MMP16: variants seen among roughly 807,000 people sequenced by gnomAD.
MMP16 encodes the protein matrix metallopeptidase 16.
MMP16 carries 12 observed loss-of-function variants against 67.8 expected under a neutral mutation model. That is an observed-to-expected ratio of 0.18 (90% CI 0.11 to 0.29). MMP16 has a LOEUF of 0.29. MMP16 is among the 10% of genes least tolerant of loss of function. MMP16 has a pLI of 1.00. For synonymous variants in MMP16, 249 were observed against 255.9 expected (o/e 0.97, Z 0.26); for missense variants, 475 against 765.7 (o/e 0.62, Z 4.48).
intron 1 of MMP16, among the ~76,000 whole-genome samples, chr8:88,296,545 C>A (rs1162851729): frequency 6.6e-6 from 1 of 152,030 alleles, no homozygotes; most frequent in Non-Finnish European, 1.5e-5. Context: ...TGAAATAAAG[C>A]AAATTCAGGC....
chr8:88,167,802 G>A lies in MMP16; in HGVS notation c.576C>T (p.Phe192=). 1 of 1,613,974 alleles carries A rather than the reference G, an allele frequency of 6.2e-7. No individual in the cohort carries two copies. Among genetic ancestry groups the A allele is most frequent in the Non-Finnish European group, 8.5e-7 (1 of 1,179,954 alleles). The change falls in exon 4 of 10, where the codon TTC becomes TTT. Residue 192 remains phenylalanine (F), a synonymous_variant. Transcript: ENST00000286614. ...CATCAAAGGGAGAGCTGTCCCCATG[G>A]AAACCAGATGCAAAAATAATGGTTA... The part of the protein sequence containing the change: ...VDITIIFASG[F]HGDSSPFDGE...
At chr8:88,169,807 T>G (rs2129708058) in intron 3 of MMP16, among the ~76,000 whole-genome samples, 1 of 152,120 alleles carries the variant, frequency 6.6e-6, no homozygotes, top group Middle Eastern at 3.4e-3. Flanking sequence ...ATCAGAAAGT[T>G]AGAAGGAGAC....
In MMP16 at chr8:88,072,487, G is replaced by C. The variant is rs76631222; in HGVS notation, c.1222+2118C>G. ...CTGGAGGAAAGAGTTGCCACAGCAG[G>C]GTCCTCAAAGTGACAAAATTTATTA... is the stretch of plus-strand genomic sequence containing the variant. On this transcript the variant is annotated intron_variant, in intron 7 of 9. Coordinates refer to ENST00000286614, the MANE Select transcript of MMP16 (RefSeq NM_005941.5). Among the ~76,000 whole-genome samples, 39 of 152,164 alleles carry C rather than the reference G, an allele frequency of 2.6e-4. No homozygotes were observed. The East Asian group carries it at 7.4e-3, about 29-fold the overall frequency.
chr8:88,098,745 C>T (rs181761525), intron 6 of MMP16, among the ~76,000 whole-genome samples: 1 of 151,938 alleles, frequency 6.6e-6, no homozygotes, highest in Admixed American at 6.6e-5. Context: ...TCATCTGACA[C>T]CTATCAAAGA....
At chr8:88,044,049 G>A (rs541671543) in intron 9 of MMP16, among the ~76,000 whole-genome samples, 1 of 152,322 alleles carries the variant, frequency 6.6e-6, no homozygotes, top group South Asian at 2.1e-4. Context: ...CAAAAGTTAA[G>A]AAGTTTCTAT....
intron 4 of MMP16, among the ~76,000 whole-genome samples, chr8:88,159,010 G>A (rs1351831654): frequency 1.3e-5 from 2 of 152,054 alleles, no homozygotes; most frequent in African/African-American, 4.8e-5. Context: ...GCTCTGTTCT[G>A]TTCCATTTGT....
chr8:88,070,471 C>T (rs1024120333), intron 7 of MMP16, among the ~76,000 whole-genome samples: 4 of 152,230 alleles, frequency 2.6e-5, no homozygotes, highest in African/African-American at 7.2e-5. Context: ...TTTGTTCCCA[C>T]TGATTGGTTC....
intron 1 of MMP16, among the ~76,000 whole-genome samples, chr8:88,206,138 T>TA (rs199681070): frequency 0.02 from 3,091 of 151,822 alleles, 42 homozygotes; most frequent in Non-Finnish European, 0.032. Flanking sequence ...TAAATTGTGG[T>TA]AAAAAAAATA....
chr8:88,256,993 G>A (rs2129938474), intron 1 of MMP16, among the ~76,000 whole-genome samples: 1 of 152,186 alleles, frequency 6.6e-6, no homozygotes, highest in Non-Finnish European at 1.5e-5. Flanking sequence ...CATGACCCCT[G>A]CTCTCCATAC....
intron 6 of MMP16, among the ~76,000 whole-genome samples, chr8:88,093,152 A>C (rs1808967194): frequency 6.6e-6 from 1 of 151,822 alleles, no homozygotes; most frequent in Admixed American, 6.6e-5. Flanking sequence ...CTGAAAACTT[A>C]ACACATGTAA....
At chr8:88,048,277 G>T (rs576248101) in intron 8 of MMP16, among the ~76,000 whole-genome samples, 1 of 152,258 alleles carries the variant, frequency 6.6e-6, no homozygotes, top group East Asian at 1.9e-4. Flanking sequence ...CTCACCAAGA[G>T]TTAGAACTCT....
intron 4 of MMP16, among the ~76,000 whole-genome samples, chr8:88,156,056 TTG>T (rs1257931586): frequency 6.6e-6 from 1 of 152,178 alleles, no homozygotes. Context: ...TAATTTAGAA[TTG>T]TGTTTGGAAC....
chr8:88,171,743 T>C (rs963466422), intron 3 of MMP16, among the ~76,000 whole-genome samples: 3 of 152,230 alleles, frequency 2.0e-5, no homozygotes, highest in Admixed American at 6.5e-5. Flanking sequence ...TAAACAAAGA[T>C]GGAAAATTCA....
intron 1 of MMP16, among the ~76,000 whole-genome samples, chr8:88,268,257 G>A (rs541373158): frequency 5.3e-5 from 8 of 152,210 alleles, no homozygotes; most frequent in South Asian, 4.1e-4. Flanking sequence ...CAGGAGAATC[G>A]CTTGAACCTG....
chr8:88,300,760 A>T (rs1811085106), intron 1 of MMP16, among the ~76,000 whole-genome samples: 1 of 152,176 alleles, frequency 6.6e-6, no homozygotes, highest in African/African-American at 2.4e-5. Flanking sequence ...GAAGTCCCCA[A>T]GTTCTCACTG....
chr8:88,039,356 T>G lies in MMP16; in HGVS notation c.*2105A>C, dbSNP rs1177134588. The G allele has an allele frequency of 6.6e-6, 1 of 152,336 alleles. No homozygotes were observed. Among genetic ancestry groups the G allele is most frequent in the African/African-American group, 2.4e-5 (1 of 41,400 alleles). 9.4% of individuals were successfully genotyped at this position (152,336 alleles called of 1,614,324 possible). ...TTCTACCTATAGGGCATTTTCAGAG[T>G]GTGCATGTAAAGAGCAAAGTGTCCA... On this transcript the variant is annotated 3_prime_UTR_variant, in exon 10 of 10. Transcript: ENST00000286614. The surrounding 1 kb of genome is among the most constrained non-coding windows in gnomAD (Gnocchi z 4.5).
chr8:88,140,026 C>T (rs189891827), intron 4 of MMP16, among the ~76,000 whole-genome samples: 1 of 151,970 alleles, frequency 6.6e-6, no homozygotes, highest in African/African-American at 2.4e-5. Flanking sequence ...TGTTCTGGGC[C>T]AGGAATTTGG....
rs369348546 is a variant in MMP16, at chr8:88,190,720, G to A, written c.282-4122C>T. Among the ~76,000 whole-genome samples the A allele has an allele frequency of 8.6e-5, 13 of 152,010 alleles. No homozygotes were observed. In the South Asian group the frequency reaches 2.7e-3, roughly 32 times the overall value. On this transcript the variant is annotated intron_variant, in intron 2 of 9. Coordinates refer to ENST00000286614, the MANE Select transcript of MMP16 (RefSeq NM_005941.5). The stretch of plus-strand genomic sequence containing the variant: ...CCACATACAAAGTTAACATATAAGT[G>A]TATTTTATACATATATATATATAGC...
rs1017551918 is a variant in MMP16 at position 88,033,628 on chromosome 8, A to G, written c.*7833T>C. ...AGTAAACTCCATTTATTTCCCTCCTATAATATAAAAACAAGATCTATTTGT... is the reference window on the plus strand; with the variant it reads ...AGTAAACTCCATTTATTTCCCTCCTGTAATATAAAAACAAGATCTATTTGT... On this transcript the variant is annotated 3_prime_UTR_variant, in exon 10 of 10. Transcript: ENST00000286614. 6 of 151,996 alleles carry G rather than the reference A, an allele frequency of 3.9e-5. No homozygotes were observed. Among genetic ancestry groups the G allele is most frequent in the African/African-American group, 1.4e-4 (6 of 41,420 alleles). The allele number at this position is 151,996 out of a possible 1,614,324, so 9.4% of individuals were successfully genotyped here.
Sources: gnomAD v4.1 joint callset for allele counts (sites outside exome capture counted in the v4.1 genomes callset) on GRCh38, gnomAD v4.1.1 for gene constraint, Gnocchi (gnomAD v3.1) non-coding constraint, MANE v1.5 for transcripts, NCBI Gene and HGNC (gene_info 2026-07-23, HGNC 2026-07-21) for gene names.